CCSER1: variants seen among roughly 807,000 people sequenced by gnomAD.
CCSER1 encodes coiled-coil serine rich protein 1.
Under a neutral mutation model 82.0 loss-of-function variants are expected in CCSER1, and 41 were observed. The observed-to-expected ratio is 0.50, with a 90% CI of 0.39 to 0.65. CCSER1 has a LOEUF of 0.65. CCSER1 is among the 30% of genes least tolerant of loss of function. The pLI is 0.00. For synonymous variants in CCSER1, 414 were observed against 383.9 expected (o/e 1.08, Z -0.92); for missense variants, 1,119 against 1,064.2 (o/e 1.05, Z -0.72).
intron 6 of CCSER1, among the ~76,000 whole-genome samples, chr4:90,654,114 T>C (rs1729272116): frequency 6.6e-6 from 1 of 152,110 alleles, no homozygotes; most frequent in Non-Finnish European, 1.5e-5. Context: ...ACCACGCCCC[T>C]CCTTCAATTC....
chr4:91,039,890 G>A (rs1175625533), intron 9 of CCSER1, among the ~76,000 whole-genome samples: 2 of 151,980 alleles, frequency 1.3e-5, no homozygotes, highest in African/African-American at 4.8e-5. Flanking sequence ...TCAAAATTTG[G>A]AAAATATTTA....
At chr4:91,147,665 C>T (rs910597848) in intron 10 of CCSER1, among the ~76,000 whole-genome samples, 2 of 152,196 alleles carry the variant, frequency 1.3e-5, no homozygotes, top group South Asian at 4.1e-4. Flanking sequence ...ACCAGCTGTG[C>T]TGGGAGTGAT....
chr4:90,875,340 A>AT (rs1767064286), intron 8 of CCSER1, among the ~76,000 whole-genome samples: 1 of 152,182 alleles, frequency 6.6e-6, no homozygotes, highest in African/African-American at 2.4e-5. Flanking sequence ...GGTTAATGAC[A>AT]TTTCCAAATT....
At chr4:91,061,871 T>C (rs1008555233) in intron 9 of CCSER1, among the ~76,000 whole-genome samples, 2 of 152,126 alleles carry the variant, frequency 1.3e-5, no homozygotes, top group Non-Finnish European at 2.9e-5. Flanking sequence ...TATTTAGTTA[T>C]TAAGTAGAGA....
chr4:90,985,803 A>T (rs1364432320), intron 9 of CCSER1, among the ~76,000 whole-genome samples: 1 of 151,722 alleles, frequency 6.6e-6, no homozygotes, highest in Non-Finnish European at 1.5e-5. Context: ...TTAATTGAAG[A>T]AAAAAAGAAA....
At chr4:90,313,630 G>A (rs80000513) in intron 3 of CCSER1, among the ~76,000 whole-genome samples, 3,252 of 152,152 alleles carry the variant, frequency 0.021, 91 homozygotes, top group African/African-American at 0.067. Flanking sequence ...GGTGGAGGTG[G>A]GGTGTGTGGG....
At chr4:91,031,061 C>T (rs915865678) in intron 9 of CCSER1, among the ~76,000 whole-genome samples, 22 of 152,082 alleles carry the variant, frequency 1.4e-4, no homozygotes, top group African/African-American at 5.3e-4. Context: ...AAGCATATTT[C>T]TATGTGAAAG....
chr4:91,236,375 C>T (rs928301835), intron 10 of CCSER1, among the ~76,000 whole-genome samples: 3 of 151,856 alleles, frequency 2.0e-5, no homozygotes, highest in African/African-American at 4.8e-5. Context: ...CTCAGCTACT[C>T]GGGAGGCTGA....
chr4:90,615,675 GT>G (rs59211032), intron 5 of CCSER1, among the ~76,000 whole-genome samples: 67,806 of 147,412 alleles, frequency 0.46, 17,447 homozygotes, highest in African/African-American at 0.72. Flanking sequence ...AGAAAGTGTT[GT>G]TTTTTTTTTT....
intron 10 of CCSER1, among the ~76,000 whole-genome samples, chr4:91,111,157 T>C (rs1211099238): frequency 3.3e-5 from 5 of 152,004 alleles, no homozygotes; most frequent in Non-Finnish European, 7.4e-5. Context: ...AGCATGTTTA[T>C]GCTGTTGCAT....
rs557458284 is a variant in CCSER1 at position 91,020,391 on chromosome 4, G to T, written c.2173-65559G>T. 5.9e-5 allele frequency among the ~76,000 whole-genome samples: 9 copies of T among 152,194 alleles called. No individual in the cohort carries two copies. The East Asian group carries it at 1.4e-3, about 23-fold the overall frequency. On this transcript the variant is annotated intron_variant, in intron 9 of 10. Transcript: ENST00000509176. ...AAAAGTACATACCTTGGCCGGGTGC[G>T]GTGGCTCACACCTGTCATCCCAGCA...
chr4:91,229,528 A>G (rs1033983839), intron 10 of CCSER1, among the ~76,000 whole-genome samples: 2 of 152,150 alleles, frequency 1.3e-5, no homozygotes, highest in African/African-American at 2.4e-5. Context: ...GTAAAGACAC[A>G]TGCACATGTA....
At chr4:91,001,486 C>T (rs1481214300) in intron 9 of CCSER1, among the ~76,000 whole-genome samples, 1 of 152,074 alleles carries the variant, frequency 6.6e-6, no homozygotes, top group African/African-American at 2.4e-5. Context: ...AGAATATTCT[C>T]ATCTTTTCCT....
intron 1 of CCSER1, among the ~76,000 whole-genome samples, chr4:90,171,488 T>C (rs1731663902): frequency 6.6e-6 from 1 of 151,956 alleles, no homozygotes; most frequent in Non-Finnish European, 1.5e-5. Context: ...AATCACACCC[T>C]GATTAATTTG....
intron 7 of CCSER1, among the ~76,000 whole-genome samples, chr4:90,783,500 G>A (rs1171809795): frequency 1.3e-5 from 2 of 152,114 alleles, no homozygotes; most frequent in Non-Finnish European, 2.9e-5. Context: ...CATTCTTAGG[G>A]AATCCCGCAC....
intron 10 of CCSER1, among the ~76,000 whole-genome samples, chr4:91,166,604 G>C (rs1009033392): frequency 6.6e-6 from 1 of 152,182 alleles, no homozygotes; most frequent in Non-Finnish European, 1.5e-5. Context: ...TTATAAGTCA[G>C]TTTTTATATT....
At chr4:90,888,315 A>G (rs1722455694) in intron 8 of CCSER1, among the ~76,000 whole-genome samples, 1 of 152,138 alleles carries the variant, frequency 6.6e-6, no homozygotes, top group South Asian at 2.1e-4. Context: ...TTATCACACT[A>G]TTTTATTACT....
chr4:90,171,400 A>G (rs2153377535), intron 1 of CCSER1, among the ~76,000 whole-genome samples: 1 of 151,978 alleles, frequency 6.6e-6, no homozygotes, highest in African/African-American at 2.4e-5. Flanking sequence ...TTGTGATGTA[A>G]AGTAACCATT....
chr4:90,484,298 T>C (rs1476905950), intron 5 of CCSER1, among the ~76,000 whole-genome samples: 1 of 152,184 alleles, frequency 6.6e-6, no homozygotes, highest in Non-Finnish European at 1.5e-5. Context: ...AGTTTTTAAC[T>C]TATTTGCCAT....
Sources: allele counts gnomAD v4.1 joint callset (sites outside exome capture counted in the v4.1 genomes callset), GRCh38; gene constraint gnomAD v4.1.1; transcripts MANE v1.5; gene names NCBI Gene and HGNC (gene_info 2026-07-23, HGNC 2026-07-21).